Variants in USP6 observed in about 807,000 individuals in gnomAD.
USP6 encodes ubiquitin specific peptidase 6, also known as ubiquitin carboxyl-terminal hydrolase 6.
In USP6, 128 loss-of-function variants were observed where a neutral mutation model predicts 175.7. That is an observed-to-expected ratio of 0.73 (90% CI 0.63 to 0.84). The LOEUF (loss-of-function observed/expected upper bound fraction) is 0.84, where lower values mean the gene tolerates loss of function less well. USP6 is among the 40% of genes least tolerant of loss of function. The pLI, the probability that USP6 is intolerant of heterozygous loss-of-function variation, is 0.00. For synonymous variants in USP6, 562 were observed against 630.6 expected, an observed-to-expected ratio of 0.89 and a Z score of 1.63; for missense variants, 1,498 against 1,760.3, an observed-to-expected ratio of 0.85 and a Z score of 2.67.
rs1389356040 is a variant in USP6, at chr17:5,168,900, A to G, written c.3362A>G (p.Lys1121Arg). ...VPRDPALCQH[K>R]PLTPQGDELS... ...CGAGACCCGGCCCTCTGCCAGCATAAACCACTCACACCCCAGGGGGATGAG... is the reference window on the plus strand; with the variant it reads ...CGAGACCCGGCCCTCTGCCAGCATAGACCACTCACACCCCAGGGGGATGAG... The change falls in exon 35 of 38, where the codon AAA becomes AGA. Residue 1121 changes from lysine (K) to arginine (R), a missense_variant. Physicochemically the swap from Lys to Arg is conservative, Grantham distance 26 (BLOSUM62 2). Coordinates refer to ENST00000574788, the MANE Select transcript of USP6 (RefSeq NM_001304284.2). 1.2e-6 allele frequency: 2 copies of G among 1,613,852 alleles called. No homozygotes were observed. The highest frequency in any genetic ancestry group is 2.7e-5 in the African/African-American group (2 of 74,910).
At chr17:5,138,473 G>GTATAC in intron 21 of USP6, among the ~76,000 whole-genome samples, 200 bp downstream of exon 21, 1 of 152,280 alleles carries the variant, frequency 6.6e-6, no homozygotes, top group South Asian at 2.1e-4. Flanking sequence ...TGGATGTGTT[G>GTATAC]TGCACGCAGG....
rs774541665 is a variant in USP6, at chr17:5,161,612, T to C, written c.2913T>C (p.Tyr971=). Residue 971 remains tyrosine, a splice_region_variant and synonymous_variant, in exon 32 of 38, where the codon TAT becomes TAC. Transcript: ENST00000574788. ...DGNSCAWCPQ[Y]RFCRGCKIDC... is the part of the protein sequence containing the mutation. ...ACTCCTGTGCTTGGTGCCCACAGTA[T>C]AGGTAAAGTGACCTGCAAAAGAATT... is the stretch of plus-strand genomic sequence containing the variant. 1.2e-6 allele frequency: 2 copies of C among 1,613,826 alleles called. No individual in the cohort carries two copies. The highest frequency in any genetic ancestry group is 1.7e-5 in the Admixed American group (1 of 60,018).
chr17:5,138,919 G>A, intron 21 of USP6: 3 of 1,155,842 alleles, frequency 2.6e-6, no homozygotes, highest in South Asian at 2.8e-5. Flanking sequence ...AAGGAGCTGG[G>A]TGACATCCAA....
intron 30 of USP6, among the ~76,000 whole-genome samples, chr17:5,150,728 C>T (rs773029879): frequency 2.6e-4 from 40 of 152,092 alleles, no homozygotes; most frequent in African/African-American, 1.4e-4. Flanking sequence ...CTCCTGACCT[C>T]GTGATCTGCC....
At chr17:5,141,073 A>G (rs1255913123) in intron 22 of USP6, among the ~76,000 whole-genome samples, 1 of 152,090 alleles carries the variant, frequency 6.6e-6, no homozygotes, top group East Asian at 1.9e-4. Context: ...TACCTTTTCT[A>G]TGTTCTAACA....
rs2073281003 is a variant in USP6 at position 5,137,146 on chromosome 17, G to A, written c.785G>A (p.Cys262Tyr). The A allele has an allele frequency of 2.5e-6, 4 of 1,613,408 alleles. No individual in the cohort carries two copies. The African/African-American group carries it at 4.0e-5, about 16-fold the overall frequency. The change falls in exon 19 of 38, where the codon TGT becomes TAT. Residue 262 changes from cysteine to tyrosine, a missense_variant. Physicochemically the swap from Cys to Tyr is radical, Grantham distance 194. Around this residue, in one of 2 missense-constraint regions of USP6, gnomAD observed 1,217 missense variants for 1,500.8 expected, o/e 0.81. Transcript: ENST00000574788. ...HQDKEGLCGQCASLGCLLRNL... is the reference protein window; with the variant it reads ...HQDKEGLCGQYASLGCLLRNL... Reference sequence around the variant, plus strand: ...GACAAGGAAGGTCTATGCGGGCAGTGTGCCTCGTTAGGCTGCCTTCTCCGG... The same window carrying A: ...GACAAGGAAGGTCTATGCGGGCAGTATGCCTCGTTAGGCTGCCTTCTCCGG...
Position 5,168,983 on chromosome 17 carries a change from G to T in USP6, c.3445G>T (p.Ala1149Ser). Residue 1149 changes from alanine to serine, a missense_variant, in exon 35 of 38, where the codon GCT (alanine) becomes TCT (serine). Transcript: ENST00000574788. ...GAAGAAAGTGGATGCGCAGAGTTCG[G>T]CTGGAAAAGAGGACATGCTCCTAAG... is the stretch of plus-strand genomic sequence containing the variant. ...EVKKVDAQSS[A>S]GKEDMLLSKS... The T allele has an allele frequency of 6.2e-7, 1 of 1,613,974 alleles. No homozygotes were observed. The highest frequency in any genetic ancestry group is 8.5e-7 in the Non-Finnish European group (1 of 1,179,848).
intron 31 of USP6, among the ~76,000 whole-genome samples, chr17:5,160,330 A>C (rs915405223): frequency 1.3e-5 from 2 of 152,206 alleles, no homozygotes; most frequent in African/African-American, 4.8e-5. Flanking sequence ...ATCATTTGCC[A>C]GATGAGCTGT....
chr17:5,167,396 T>G (rs1394899829), intron 33 of USP6, among the ~76,000 whole-genome samples: 1 of 152,276 alleles, frequency 6.6e-6, no homozygotes, highest in Non-Finnish European at 1.5e-5. Context: ...TTCAAAAATC[T>G]TTCAAGAAAA....
At position 5,162,940 on chromosome 17, in the gene USP6, C is replaced by G. The variant is rs1407337928; in HGVS notation, c.2972C>G (p.Ala991Gly). Residue 991 changes from alanine to glycine, a missense_variant, in exon 33 of 38, where the codon GCC becomes GGC. Physicochemically the swap from Ala to Gly is moderately conservative, Grantham distance 60. This residue lies in a region of USP6 where 1,217 missense variants were observed against 1,500.8 expected (regional missense o/e 0.81). Coordinates refer to ENST00000574788, the MANE Select transcript of USP6 (RefSeq NM_001304284.2). The stretch of plus-strand genomic sequence containing the variant: ...GAAGACAGAGCTTTCATTGGAAATG[C>G]CTATATTGCTGTGGATTGGCACCCC... ...CGEDRAFIGN[A>G]YIAVDWHPTA... The G allele has an allele frequency of 6.2e-7, 1 of 1,607,202 alleles. No individual in the cohort carries two copies. Among genetic ancestry groups the G allele is most frequent in the East Asian group, 2.3e-5 (1 of 44,296 alleles).
rs749335334 is a variant in USP6 at position 5,170,554 on chromosome 17, G to T, written c.3593G>T (p.Arg1198Leu). The stretch of plus-strand genomic sequence containing the variant: ...AACAGCAGCCCTAATAGCAGCCCAC[G>T]GACTTTGGGGAGGAGCAAAGGGAGG... The part of the protein sequence containing the change: ...SKNSSPNSSP[R>L]TLGRSKGRLR... The change falls in exon 36 of 38, where the codon CGG becomes CTG. Residue 1198 changes from arginine (R) to leucine (L), a missense_variant. Coordinates refer to ENST00000574788, the MANE Select transcript of USP6 (RefSeq NM_001304284.2). 4.9e-5 allele frequency: 79 copies of T among 1,611,860 alleles called. No homozygotes were observed. The highest frequency in any genetic ancestry group is 2.0e-4 in the Admixed American group (12 of 59,966).
intron 2 of USP6, among the ~76,000 whole-genome samples, chr17:5,119,678 T>G (rs1164755174): frequency 6.6e-6 from 1 of 152,210 alleles, no homozygotes; most frequent in African/African-American, 2.4e-5. Context: ...AACTAACTAA[T>G]GAGTAACTCA....
chr17:5,123,757 G>A (rs1320894392), intron 4 of USP6, among the ~76,000 whole-genome samples: 1 of 152,150 alleles, frequency 6.6e-6, no homozygotes, highest in African/African-American at 2.4e-5. Context: ...GCACGCACAC[G>A]TGTGCAGACA....
intron 33 of USP6, among the ~76,000 whole-genome samples, chr17:5,163,791 C>T (rs949130613): frequency 2.0e-5 from 3 of 152,140 alleles, no homozygotes; most frequent in Admixed American, 1.3e-4. Context: ...GCTGTAGCTG[C>T]TCCCTTTAAT....
At chr17:5,170,370 C>CT in intron 35 of USP6, 109 bp from the exon 36 acceptor site, 1 of 1,485,504 alleles carries the variant, frequency 6.7e-7, no homozygotes, top group Non-Finnish European at 9.0e-7. Flanking sequence ...ACTCCCCTGT[C>CT]TTTACCTTTG....
chr17:5,170,184 T>C (rs1598106239), intron 35 of USP6, among the ~76,000 whole-genome samples: 4 of 152,210 alleles, frequency 2.6e-5, no homozygotes, highest in African/African-American at 9.7e-5. Context: ...ACTCTAATAG[T>C]TGGATTTTTT....
intron 29 of USP6, among the ~76,000 whole-genome samples, chr17:5,147,934 G>C (rs988973787): frequency 6.6e-6 from 1 of 152,142 alleles, no homozygotes; most frequent in African/African-American, 2.4e-5. Context: ...AGCCTGGAGT[G>C]CAGTGGCATC....
chr17:5,144,468 A>G (rs1387075952), intron 25 of USP6, among the ~76,000 whole-genome samples: 1 of 152,106 alleles, frequency 6.6e-6, no homozygotes, highest in East Asian at 1.9e-4. Flanking sequence ...TACTGAACTG[A>G]GGACACAGTA....
rs1021277856 is a variant in USP6, at chr17:5,173,498, T to G, written c.*520T>G. On this transcript the variant is annotated 3_prime_UTR_variant, in exon 38 of 38. Coordinates refer to ENST00000574788, the MANE Select transcript of USP6 (RefSeq NM_001304284.2). ...ACGGCATGGACAAGGATTTTTCAAT[T>G]TATTTTTTAAACTGTTTCCATACCC... is the stretch of plus-strand genomic sequence containing the variant. 4.5e-6 allele frequency: 1 copy of G among 220,524 alleles called. No homozygotes were observed. Among genetic ancestry groups the G allele is most frequent in the Non-Finnish European group, 9.1e-6 (1 of 109,902 alleles). The allele number at this position is 220,524 out of a possible 1,614,324, so 13.7% of individuals were successfully genotyped here. A position where few individuals can be genotyped will look rare whatever the true frequency, so the allele number is the denominator to read the frequency against.
Sources: gnomAD v4.1 joint callset for allele counts (sites outside exome capture counted in the v4.1 genomes callset) on GRCh38, gnomAD v4.1.1 for gene constraint, gnomAD v4.1.1 regional missense constraint, MANE v1.5 for transcripts, NCBI Gene and HGNC (gene_info 2026-07-23, HGNC 2026-07-21) for gene names.